PHF20L1: variants seen among roughly 807,000 people sequenced by gnomAD.
The protein encoded by PHF20L1 is PHD finger protein 20 like 1.
Under a neutral mutation model 125.5 loss-of-function variants are expected in PHF20L1, and 44 were observed. That is an observed-to-expected ratio of 0.35 (90% CI 0.28 to 0.45). PHF20L1 has a LOEUF of 0.45. Ranked by LOEUF, PHF20L1 falls within the 20% of genes least tolerant of loss-of-function variation. PHF20L1 has a pLI of 1.00. For missense variants in PHF20L1, 1,012 were observed against 1,217.2 expected (o/e 0.83, Z 2.51); for synonymous variants, 380 against 403.1 (o/e 0.94, Z 0.69).
chr8:132,776,462 C>T (rs1360924599), intron 1 of PHF20L1, among the ~76,000 whole-genome samples: 1 of 152,168 alleles, frequency 6.6e-6, no homozygotes, highest in African/African-American at 2.4e-5. Flanking sequence ...AATATTCATA[C>T]ATTTGTTCTT....
intron 7 of PHF20L1, 107 bp from the exon 8 acceptor site, chr8:132,804,508 T>A (rs1833457304): frequency 1.3e-6 from 1 of 779,322 alleles, no homozygotes; most frequent in African/African-American, 1.8e-5. Flanking sequence ...AGTAGTAGAT[T>A]AAAAAAACTA....
intron 18 of PHF20L1, among the ~76,000 whole-genome samples, chr8:132,839,903 T>G (rs1837757129): frequency 2.0e-5 from 3 of 152,066 alleles, no homozygotes; most frequent in Admixed American, 2.0e-4. Flanking sequence ...ACCCTATACG[T>G]TGTGTCCTCC....
intron 8 of PHF20L1, 66 bp downstream of exon 8, chr8:132,804,806 T>C: frequency 7.4e-7 from 1 of 1,353,286 alleles, no homozygotes; most frequent in Non-Finnish European, 1.0e-6. Flanking sequence ...GTAATTTATT[T>C]TTAATGAAGT....
chr8:132,824,183 G>GATA, intron 13 of PHF20L1, 123 bp downstream of exon 13: 1 of 604,254 alleles, frequency 1.7e-6, no homozygotes. Context: ...ATCTGTTTTA[G>GATA]TTCCTACTAG....
chr8:132,844,396 A>T (rs1015015414), intron 20 of PHF20L1, 78 bp downstream of exon 20: 103 of 1,179,560 alleles, frequency 8.7e-5, no homozygotes, highest in Middle Eastern at 8.0e-4. Flanking sequence ...AAAATTCTTA[A>T]ATTATGGGAT....
At chr8:132,820,349 C>T (rs1434776685) in intron 12 of PHF20L1, among the ~76,000 whole-genome samples, 2 of 151,828 alleles carry the variant, frequency 1.3e-5, no homozygotes, top group African/African-American at 4.8e-5. Flanking sequence ...TTCTCACAGG[C>T]ACCTTGGGCC....
chr8:132,798,966 G>A, intron 5 of PHF20L1, 106 bp downstream of exon 5: 2 of 1,032,218 alleles, frequency 1.9e-6, no homozygotes, highest in East Asian at 5.2e-5. Context: ...CTAATTGTAG[G>A]GTTATGTGCT....
rs571710120 is a variant in PHF20L1, at chr8:132,838,112, C to T, written c.2191+301C>T. On this transcript the variant is annotated intron_variant, in intron 17 of 20. Coordinates refer to ENST00000395386, the MANE Select transcript of PHF20L1 (RefSeq NM_016018.5). Reference sequence around the variant, plus strand: ...TTCTTGGTCAATTAGACTCAACTTCCGTATTAAAATTTTAAAATATTTTTT... The same window carrying T: ...TTCTTGGTCAATTAGACTCAACTTCTGTATTAAAATTTTAAAATATTTTTT... 13 of 205,282 alleles carry T rather than the reference C, an allele frequency of 6.3e-5. No homozygotes were observed. In the Admixed American group the frequency reaches 6.3e-4, roughly 10 times the overall value. 12.7% of individuals were successfully genotyped at this position (205,282 alleles called of 1,614,324 possible).
rs569223455 is a variant in PHF20L1, at chr8:132,812,185, C to CT, written c.930+1064dup. The CT allele has an allele frequency of 1.8e-4, 176 of 980,446 alleles. No individual in the cohort carries two copies. In the South Asian group the frequency reaches 5.3e-3, roughly 29 times the overall value. 60.7% of individuals were successfully genotyped at this position (980,446 alleles called of 1,614,324 possible). Reference sequence around the variant, plus strand: ...AATATATCAACCAAATTTTAAATAACTTTTTTTACTGTGTATTACTATATT... The same window carrying CT: ...AATATATCAACCAAATTTTAAATAACTTTTTTTTACTGTGTATTACTATATT... On this transcript the variant is annotated intron_variant, in intron 9 of 20. Coordinates refer to ENST00000395386, the MANE Select transcript of PHF20L1 (RefSeq NM_016018.5).
At chr8:132,845,670 A>T (rs1838367949) in intron 20 of PHF20L1, 111 bp from the exon 21 acceptor site, 1 of 726,310 alleles carries the variant, frequency 1.4e-6, no homozygotes, top group African/African-American at 1.8e-5. Flanking sequence ...CCTTCTAAAG[A>T]TGGGGAAGTG....
rs527966233 is a variant in PHF20L1 at position 132,828,498 on chromosome 8, T to C, written c.1744+3127T>C. Among the ~76,000 whole-genome samples, 12 of 152,206 alleles carry C rather than the reference T, an allele frequency of 7.9e-5. No homozygotes were observed. The South Asian group carries it at 2.5e-3, about 31-fold the overall frequency. The stretch of plus-strand genomic sequence containing the variant: ...CTGTTTATCAAACTGTGTATTCTTC[T>C]CTTCAACAAGTTTTTACTTGTTTTT... On this transcript the variant is annotated intron_variant, in intron 14 of 20. Coordinates refer to ENST00000395386, the MANE Select transcript of PHF20L1 (RefSeq NM_016018.5).
intron 4 of PHF20L1, among the ~76,000 whole-genome samples, chr8:132,795,475 CAG>C (rs559277029): frequency 1.3e-4 from 20 of 152,030 alleles, no homozygotes; most frequent in African/African-American, 3.6e-4. Flanking sequence ...TAATTTAAAA[CAG>C]AATTCATATG....
Position 132,846,014 on chromosome 8 carries a change from T to A in PHF20L1, c.*91T>A, listed in dbSNP as rs1838398906. On this transcript the variant is annotated 3_prime_UTR_variant, in exon 21 of 21. Coordinates refer to ENST00000395386, the MANE Select transcript of PHF20L1 (RefSeq NM_016018.5). ...ATGGCTAAGTGGATAATTTAAAAGC[T>A]TAGTAATGTCTGGTCATTCACTGAT... The A allele has an allele frequency of 1.0e-6, 1 of 969,082 alleles. No homozygotes were observed. The highest frequency in any genetic ancestry group is 1.5e-6 in the Non-Finnish European group (1 of 645,724). 60.0% of individuals were successfully genotyped at this position (969,082 alleles called of 1,614,324 possible).
chr8:132,811,967 TC>T (rs1834442877), intron 9 of PHF20L1: 1 of 980,462 alleles, frequency 1.0e-6, no homozygotes, highest in Admixed American at 6.2e-5. Context: ...TAAAAACTAT[TC>T]CAAATTTAAT....
intron 14 of PHF20L1, among the ~76,000 whole-genome samples, chr8:132,827,393 G>A (rs1448185709): frequency 6.6e-6 from 1 of 151,992 alleles, no homozygotes; most frequent in Non-Finnish European, 1.5e-5. Flanking sequence ...GCCTAGCTTA[G>A]GTGTTCCAAT....
chr8:132,809,894 T>C (rs1209814464), intron 8 of PHF20L1: 1 of 152,178 alleles, frequency 6.6e-6, no homozygotes, highest in Non-Finnish European at 1.5e-5. Context: ...AGGGTGGCCT[T>C]AAACAAGGCT....
chr8:132,801,938 C>CT (rs1446905555), intron 6 of PHF20L1, among the ~76,000 whole-genome samples: 1 of 151,526 alleles, frequency 6.6e-6, no homozygotes, highest in Non-Finnish European at 1.5e-5. Context: ...TAGAAAACAA[C>CT]TTGGGATGGA....
At chr8:132,844,348 A>T (rs1301721438) in intron 20 of PHF20L1, 30 bp downstream of exon 20, 1 of 1,529,452 alleles carries the variant, frequency 6.5e-7, no homozygotes, top group East Asian at 2.3e-5. Context: ...AAATACAGTT[A>T]CTATAGTGAA....
intron 8 of PHF20L1, chr8:132,808,169 A>G (rs1435898713): frequency 6.6e-6 from 1 of 152,376 alleles, no homozygotes; most frequent in African/African-American, 2.4e-5. Flanking sequence ...TTTATTAATC[A>G]TATTTGGGCT....
Sources: gnomAD v4.1 joint callset for allele counts (sites outside exome capture counted in the v4.1 genomes callset) on GRCh38, gnomAD v4.1.1 for gene constraint, MANE v1.5 for transcripts, NCBI Gene and HGNC (gene_info 2026-07-23, HGNC 2026-07-21) for gene names.